The following IRAG2 variants were observed in gnomAD, a reference collection of about 807,000 sequenced individuals.
The protein encoded by IRAG2 is inositol 1,4,5-triphosphate receptor associated 2.
Under a neutral mutation model 69.9 loss-of-function variants are expected in IRAG2, and 45 were observed. That is an observed-to-expected ratio of 0.64 (90% CI 0.51 to 0.83). The LOEUF (loss-of-function observed/expected upper bound fraction) is 0.83, where lower values mean the gene tolerates loss of function less well. Among genes scored for constraint, IRAG2 ranks in the 40% least tolerant of loss-of-function variants. The probability of loss-of-function intolerance (pLI) is 0.00; values close to 1 mark genes in which losing one functional copy is unlikely to be tolerated. For missense variants in IRAG2, 520 were observed against 587.0 expected, an observed-to-expected ratio of 0.89 and a Z score of 1.18; for synonymous variants, 193 against 202.4, an observed-to-expected ratio of 0.95 and a Z score of 0.40.
At chr12:25,033,861 T>C (rs952870435) in exon 13 of IRAG2, 4 of 398,866 alleles carry the variant, frequency 1.0e-5, no homozygotes, top group African/African-American at 8.2e-5. Flanking sequence ...TGGGATCCAG[T>C]TGAATGTTAA....
At chr12:25,017,732 CA>C (rs149796320) in intron 6 of IRAG2, among the ~76,000 whole-genome samples, 4,017 of 146,842 alleles carry the variant, frequency 0.027, 177 homozygotes, top group African/African-American at 0.093. Flanking sequence ...AAAAAACCAA[CA>C]AAAAAAAAAC....
intron 14 of IRAG2, among the ~76,000 whole-genome samples, chr12:25,095,282 T>C (rs1443622915): frequency 2.6e-5 from 4 of 152,290 alleles, no homozygotes; most frequent in South Asian, 4.1e-4. Context: ...TTCAGTGACA[T>C]AGTAAAAATA....
upstream of IRAG2, among the ~76,000 whole-genome samples, chr12:25,048,564 T>C (rs1408410406): frequency 6.6e-6 from 1 of 152,196 alleles, no homozygotes; most frequent in Non-Finnish European, 1.5e-5. Flanking sequence ...CCCAAAGTGC[T>C]GGGATTACAG....
At chr12:25,030,460 C>T (rs533599987) in intron 10 of IRAG2, 1 of 522,148 alleles carries the variant, frequency 1.9e-6, no homozygotes, top group South Asian at 1.0e-4. Flanking sequence ...GATCTCAGCT[C>T]ACTGCAACCT....
intron 17 of IRAG2, chr12:25,103,336 A>G (rs1202976950): frequency 1.9e-5 from 3 of 154,458 alleles, no homozygotes; most frequent in African/African-American, 7.2e-5. Flanking sequence ...GTGCATATTT[A>G]TCTCCTCCTG....
chr12:25,029,445 C>T (rs1436128681), intron 9 of IRAG2, among the ~76,000 whole-genome samples: 1 of 152,162 alleles, frequency 6.6e-6, no homozygotes, highest in Admixed American at 6.6e-5. Context: ...GCTATAAATT[C>T]AGATGATGAT....
rs1255729020 is a variant in IRAG2, at chr12:25,015,262, G to A, written c.976+1G>A. ...GATGGCATAAAATCAGATGGAACAA[G>A]TATGTATGTGTTTCTTCAGGATTGT... On this transcript the variant is annotated splice_donor_variant, in intron 4 of 38. Coordinates refer to the IRAG2 transcript ENST00000636465. LOFTEE classifies it high-confidence loss of function. 4.9e-6 allele frequency: 6 copies of A among 1,225,964 alleles called. No homozygotes were observed. The highest frequency in any genetic ancestry group is 3.2e-5 in the African/African-American group (2 of 62,614). 75.9% of individuals were successfully genotyped at this position (1,225,964 alleles called of 1,614,324 possible).
exon 3 of IRAG2, chr12:25,011,390 A>G: frequency 8.1e-7 from 1 of 1,231,738 alleles, no homozygotes; most frequent in Non-Finnish European, 1.0e-6. Context: ...GAGTGGCCAA[A>G]ATAATCAATT....
At chr12:25,107,773 G>T in intron 21 of IRAG2, 44 bp from the exon 22 acceptor site, 1 of 1,587,028 alleles carries the variant, frequency 6.3e-7, no homozygotes, top group South Asian at 1.1e-5. Context: ...TGTTTCTAAT[G>T]ACAAATTACC....
intron 6 of IRAG2, among the ~76,000 whole-genome samples, chr12:25,020,301 C>T (rs1274187205): frequency 6.6e-6 from 1 of 152,132 alleles, no homozygotes; most frequent in African/African-American, 2.4e-5. Flanking sequence ...TAGAATATGT[C>T]ATATAGAGAC....
At position 25,030,151 on chromosome 12, in the gene IRAG2, T is replaced by A. The variant is rs148269189; in HGVS notation, c.1462-127T>A. The A allele has an allele frequency of 5.0e-4, 272 of 542,504 alleles. 2 individuals carry two copies. In the East Asian group the frequency reaches 8.2e-3, roughly 16 times the overall value. The allele number at this position is 542,504 out of a possible 1,614,324, so 33.6% of individuals were successfully genotyped here. On this transcript the variant is annotated intron_variant, in intron 9 of 38. Coordinates refer to the IRAG2 transcript ENST00000636465. ...CCTCTAGAGTTGGAAGGGAAAGTAC[T>A]TTGTAAAGTGAAAAGTACATGCATG...
rs1397034052 is a variant in IRAG2 at position 25,005,301 on chromosome 12, G to T, written c.635G>T (p.Cys212Phe). The change falls in exon 2 of 39, where the codon TGT (cysteine) becomes TTT (phenylalanine). Residue 212 changes from cysteine to phenylalanine, a missense_variant. Coordinates refer to the IRAG2 transcript ENST00000636465. Reference sequence around the variant, plus strand: ...GTAATATACAGCATCAACAGGGCCTGTAAAGAAGAGGCACTCACAAGTATT... The same window carrying T: ...GTAATATACAGCATCAACAGGGCCTTTAAAGAAGAGGCACTCACAAGTATT... 3 of 1,231,298 alleles carry T rather than the reference G, an allele frequency of 2.4e-6. No individual in the cohort carries two copies. The African/African-American group carries it at 4.7e-5, about 19-fold the overall frequency. The allele number at this position is 1,231,298 out of a possible 1,614,324, so 76.3% of individuals were successfully genotyped here. A position where few individuals can be genotyped will look rare whatever the true frequency, so the allele number is the denominator to read the frequency against.
chr12:25,007,154 A>T (rs997014342), intron 2 of IRAG2, among the ~76,000 whole-genome samples: 3 of 152,186 alleles, frequency 2.0e-5, no homozygotes, highest in Admixed American at 2.0e-4. Context: ...ATTATGTCTC[A>T]TTTCTAACCC....
chr12:25,026,048 CAT>C (rs1331642364), intron 8 of IRAG2, among the ~76,000 whole-genome samples: 1 of 152,150 alleles, frequency 6.6e-6, no homozygotes, highest in Non-Finnish European at 1.5e-5. Context: ...TGAAAGCAGT[CAT>C]AGACAGTATG....
chr12:25,073,156 C>T (rs4963601), intron 6 of IRAG2, among the ~76,000 whole-genome samples: 16,070 of 152,180 alleles, frequency 0.11, 1,152 homozygotes, highest in Admixed American at 0.17. Flanking sequence ...ACTAAGCTCA[C>T]TTCCTTCTTT....
upstream of IRAG2, among the ~76,000 whole-genome samples, chr12:25,001,258 C>A (rs1223236661): frequency 1.3e-5 from 2 of 151,838 alleles, no homozygotes; most frequent in African/African-American, 2.4e-5. Flanking sequence ...CATGGTGAAA[C>A]CCTGTCTCTA....
upstream of IRAG2, among the ~76,000 whole-genome samples, chr12:25,002,579 T>C (rs1013928551): frequency 2.0e-5 from 3 of 151,958 alleles, no homozygotes; most frequent in African/African-American, 4.8e-5. Context: ...AAACTGATTC[T>C]AGAATTTCAA....
intron 2 of IRAG2, among the ~76,000 whole-genome samples, chr12:25,005,791 A>G (rs974092076): frequency 2.0e-5 from 3 of 152,210 alleles, no homozygotes; most frequent in Non-Finnish European, 4.4e-5. Context: ...ACCTAAAACT[A>G]CAAAAACCCT....
chr12:25,083,671 C>G (rs1439696629), intron 10 of IRAG2, among the ~76,000 whole-genome samples, 178 bp downstream of exon 10: 2 of 152,148 alleles, frequency 1.3e-5, no homozygotes, highest in African/African-American at 2.4e-5. Flanking sequence ...GTTTTTGTGA[C>G]TTGTCTAAAG....
Sources: gnomAD v4.1 joint callset for allele counts (sites outside exome capture counted in the v4.1 genomes callset) on GRCh38, gnomAD v4.1.1 for gene constraint, MANE v1.5 for transcripts, NCBI Gene and HGNC (gene_info 2026-07-23, HGNC 2026-07-21) for gene names.